TAFA4: variants seen among roughly 807,000 people sequenced by gnomAD.
The protein encoded by TAFA4 is chemokine-like protein TAFA-4.
Under a neutral mutation model 21.1 loss-of-function variants are expected in TAFA4, and 20 were observed. That is an observed-to-expected ratio of 0.95 (90% CI 0.67 to 1.38). The LOEUF (loss-of-function observed/expected upper bound fraction) is 1.38. TAFA4 is among the 40% of genes most tolerant of loss of function. TAFA4 has a pLI of 0.00. For synonymous variants in TAFA4, 71 were observed against 67.4 expected (o/e 1.05, Z -0.26); for missense variants, 211 against 180.9 (o/e 1.17, Z -0.95).
intron 3 of TAFA4, among the ~76,000 whole-genome samples, chr3:68,758,778 G>C (rs1270406078): frequency 1.3e-5 from 2 of 152,240 alleles, no homozygotes; most frequent in Non-Finnish European, 2.9e-5. Context: ...TAAGGATCCA[G>C]TGTGAATGGC....
At chr3:68,804,711 C>T (rs1703655164) in intron 3 of TAFA4, among the ~76,000 whole-genome samples, 1 of 152,102 alleles carries the variant, frequency 6.6e-6, no homozygotes, top group African/African-American at 2.4e-5. Flanking sequence ...GAAAGGATTC[C>T]CTATTTAATA....
chr3:68,808,622 A>G (rs1406436753), intron 3 of TAFA4, among the ~76,000 whole-genome samples: 1 of 152,148 alleles, frequency 6.6e-6, no homozygotes, highest in Non-Finnish European at 1.5e-5. Context: ...CTTATCTCTA[A>G]TACTCTAAAC....
At chr3:68,837,210 C>T (rs1704545034) in intron 3 of TAFA4, among the ~76,000 whole-genome samples, 1 of 152,224 alleles carries the variant, frequency 6.6e-6, no homozygotes, top group Non-Finnish European at 1.5e-5. Flanking sequence ...GCTCTAATCT[C>T]TTGCTATGCT....
chr3:68,830,171 T>C (rs1559535976), intron 3 of TAFA4, among the ~76,000 whole-genome samples: 1 of 152,222 alleles, frequency 6.6e-6, no homozygotes, highest in East Asian at 1.9e-4. Context: ...GAAGGTTTTT[T>C]TGTGTCTCTA....
In TAFA4 at chr3:68,732,357, A is replaced by G. The variant is rs887966385; in HGVS notation, c.*785T>C. 6 of 152,702 alleles carry G rather than the reference A, an allele frequency of 3.9e-5. No homozygotes were observed. Among genetic ancestry groups the G allele is most frequent in the Middle Eastern group, 3.4e-3 (1 of 294 alleles). 9.5% of individuals were successfully genotyped at this position (152,702 alleles called of 1,614,324 possible). ...TTGAGATTGTTTTATATTTTAAATG[A>G]TTTACCTACATGACTACACAAAAGC... On this transcript the variant is annotated 3_prime_UTR_variant, in exon 6 of 6. Coordinates refer to ENST00000295569, the MANE Select transcript of TAFA4 (RefSeq NM_182522.5).
intron 3 of TAFA4, among the ~76,000 whole-genome samples, chr3:68,878,315 G>A (rs1167715187): frequency 1.3e-5 from 2 of 152,134 alleles, no homozygotes; most frequent in Non-Finnish European, 2.9e-5. Context: ...CATCTTTAAA[G>A]GATAAAAATC....
At chr3:68,847,720 G>T (rs1424588323) in intron 3 of TAFA4, among the ~76,000 whole-genome samples, 2 of 152,156 alleles carry the variant, frequency 1.3e-5, no homozygotes, top group Admixed American at 1.3e-4. Flanking sequence ...TGTCCAAGAG[G>T]AACTTTTTTT....
At chr3:68,894,476 T>C (rs2089764849) in intron 1 of TAFA4, among the ~76,000 whole-genome samples, 3 of 152,208 alleles carry the variant, frequency 2.0e-5, no homozygotes, top group Admixed American at 6.5e-5. Flanking sequence ...CACAAGTCTA[T>C]GCTACAAACT....
chr3:68,867,431 T>C (rs2089433942), intron 3 of TAFA4, among the ~76,000 whole-genome samples: 1 of 152,080 alleles, frequency 6.6e-6, no homozygotes, highest in South Asian at 2.1e-4. Context: ...AAATGCTAAA[T>C]GGAGTTCTTC....
chr3:68,738,866 C>T (rs904998598), intron 5 of TAFA4, among the ~76,000 whole-genome samples: 1 of 152,158 alleles, frequency 6.6e-6, no homozygotes, highest in Non-Finnish European at 1.5e-5. Context: ...ATAATGAATT[C>T]TCCCACCAAA....
intron 1 of TAFA4, among the ~76,000 whole-genome samples, chr3:68,901,731 CTATT>C (rs1360311625): frequency 6.6e-6 from 1 of 152,146 alleles, no homozygotes; most frequent in African/African-American, 2.4e-5. Flanking sequence ...TAAGCCCTCT[CTATT>C]TGTAAAATCT....
At chr3:68,819,280 A>T (rs149566038) in intron 3 of TAFA4, among the ~76,000 whole-genome samples, 30,231 of 138,030 alleles carry the variant, frequency 0.22, 4,388 homozygotes, top group East Asian at 0.8. Flanking sequence ...TAATTAAAAA[A>T]AAAAAAAAAA....
intron 3 of TAFA4, among the ~76,000 whole-genome samples, chr3:68,865,788 G>A (rs554383434): frequency 2.0e-5 from 3 of 152,086 alleles, no homozygotes; most frequent in South Asian, 4.2e-4. Context: ...AGAACTATAG[G>A]CACTTACCAC....
intron 3 of TAFA4, among the ~76,000 whole-genome samples, chr3:68,757,373 TC>T (rs1279041999): frequency 1.3e-5 from 2 of 152,048 alleles, no homozygotes; most frequent in Non-Finnish European, 2.9e-5. Context: ...AGGCCCTCTC[TC>T]CAAATATAAT....
intron 3 of TAFA4, among the ~76,000 whole-genome samples, chr3:68,766,643 C>T (rs1353992662): frequency 2.6e-5 from 4 of 151,462 alleles, no homozygotes; most frequent in Non-Finnish European, 4.4e-5. Flanking sequence ...ATCCAGATGT[C>T]CCCGAATCCT....
intron 3 of TAFA4, among the ~76,000 whole-genome samples, chr3:68,755,346 T>C (rs1187067474): frequency 6.6e-6 from 1 of 152,214 alleles, no homozygotes; most frequent in Non-Finnish European, 1.5e-5. Context: ...GATCAGGAGT[T>C]TGTAGAACAA....
At chr3:68,828,686 A>G (rs1260425334) in intron 3 of TAFA4, among the ~76,000 whole-genome samples, 2 of 152,032 alleles carry the variant, frequency 1.3e-5, no homozygotes, top group African/African-American at 2.4e-5. Context: ...TTTGTCTATT[A>G]TTGGTGTACA....
At chr3:68,792,930 T>C (rs962981346) in intron 3 of TAFA4, among the ~76,000 whole-genome samples, 4 of 152,202 alleles carry the variant, frequency 2.6e-5, no homozygotes, top group African/African-American at 9.6e-5. Context: ...ACTGAGGCCA[T>C]CTACACAAAG....
chr3:68,916,098 G>A (rs2090002272), intron 1 of TAFA4: 1 of 152,234 alleles, frequency 6.6e-6, no homozygotes, highest in South Asian at 2.1e-4. Flanking sequence ...CTTGTGGAAT[G>A]CTGTTTAAGA....
Sources: allele counts gnomAD v4.1 joint callset (sites outside exome capture counted in the v4.1 genomes callset), GRCh38; gene constraint gnomAD v4.1.1; transcripts MANE v1.5; gene names NCBI Gene and HGNC (gene_info 2026-07-23, HGNC 2026-07-21).